MAPT: variants seen among roughly 807,000 people sequenced by gnomAD.
MAPT encodes the protein microtubule-associated protein tau.
In MAPT, 34 loss-of-function variants were observed where a neutral mutation model predicts 67.9. The observed-to-expected ratio is 0.50, with a 90% CI of 0.38 to 0.67. The LOEUF (loss-of-function observed/expected upper bound fraction) is 0.67, where lower values mean the gene tolerates loss of function less well. Ranked by LOEUF, MAPT falls within the 30% of genes least tolerant of loss-of-function variation. The pLI, the probability that MAPT is intolerant of heterozygous loss-of-function variation, is 0.00. For synonymous variants in MAPT, 456 were observed against 464.5 expected (o/e 0.98, Z 0.23); for missense variants, 881 against 1,115.2 (o/e 0.79, Z 2.99).
At chr17:46,005,942 G>GGA (rs2075379250) in intron 9 of MAPT, among the ~76,000 whole-genome samples, 1 of 152,216 alleles carries the variant, frequency 6.6e-6, no homozygotes, top group Admixed American at 6.5e-5. Flanking sequence ...GGCTGCTTCT[G>GGA]ACCTGAGAAA....
chr17:45,982,034 G>GA (rs1042045383), intron 4 of MAPT, among the ~76,000 whole-genome samples: 4 of 137,522 alleles, frequency 2.9e-5, no homozygotes, highest in Non-Finnish European at 4.8e-5. Flanking sequence ...AAAAAAAAAA[G>GA]AAAGAAAGAA....
intron 2 of MAPT, 47 bp downstream of exon 2, chr17:45,962,517 G>C: frequency 1.2e-6 from 2 of 1,608,874 alleles, no homozygotes; most frequent in Non-Finnish European, 1.7e-6. Flanking sequence ...TGCAAGCCAA[G>C]GGGTGGCGGG....
At chr17:45,946,030 A>G (rs542120990) in intron 1 of MAPT, among the ~76,000 whole-genome samples, 1 of 152,034 alleles carries the variant, frequency 6.6e-6, no homozygotes, top group African/African-American at 2.4e-5. Context: ...AGGACCATAA[A>G]TCACTTTTAT....
rs1418320691 is a variant in MAPT, at chr17:45,903,966, T to TTTA, written c.-18+9281_-18+9282insTAT. Among the ~76,000 whole-genome samples the TTTA allele has an allele frequency of 8.1e-3, 95 of 11,728 alleles. 6 individuals are homozygous for TTTA. Among genetic ancestry groups the TTTA allele is most frequent in the African/African-American group, 0.022 (94 of 4,180 alleles). The allele number at this position is 11,728 out of a possible 152,430, so 7.7% of individuals were successfully genotyped here. ...TATAATATATATTATATATTATATA[T>TTTA]TATATATTATATATTATATATTTAT... On this transcript the variant is annotated intron_variant, in intron 1 of 12. Coordinates refer to ENST00000262410, the MANE Select transcript of MAPT (RefSeq NM_001377265.1).
Position 46,010,394 on chromosome 17 carries a change from G to A in MAPT, c.2083G>A (p.Gly695Ser). The A allele has an allele frequency of 2.5e-6, 4 of 1,572,576 alleles. No homozygotes were observed. The highest frequency in any genetic ancestry group is 3.5e-6 in the Non-Finnish European group (4 of 1,157,516). Residue 695 changes from glycine to serine, a missense_variant, in exon 10 of 13, where the codon GGC (glycine) becomes AGC (serine). Transcript: ENST00000262410. This position sits in a 1 kb window ranked among gnomAD's most constrained non-coding sequence, Gnocchi z 4.7. Reference sequence around the variant, plus strand: ...GGATAATATCAAACACGTCCCGGGAGGCGGCAGTGTGAGTACCTTCACACG... The same window carrying A: ...GGATAATATCAAACACGTCCCGGGAAGCGGCAGTGTGAGTACCTTCACACG... ...SKDNIKHVPG[G>S]GSVQIVYKPV...
rs369174863 is a variant in MAPT at position 46,010,264 on chromosome 17, G to A, written c.1999-46G>A. ...GAGGCGTCCTTGCGAGCAAGCAGGC[G>A]GGTCCAGGGTGGCGTGTCACTCATC... On this transcript the variant is annotated intron_variant, in intron 9 of 12. Transcript: ENST00000262410. The surrounding 1 kb of genome is among the most constrained non-coding windows in gnomAD (Gnocchi z 4.7). The A allele has an allele frequency of 1.3e-4, 171 of 1,319,368 alleles. No homozygotes were observed. Among genetic ancestry groups the A allele is most frequent in the Non-Finnish European group, 1.7e-4 (163 of 936,114 alleles). The allele number at this position is 1,319,368 out of a possible 1,614,324, so 81.7% of individuals were successfully genotyped here. A position where few individuals can be genotyped will look rare whatever the true frequency, so the allele number is the denominator to read the frequency against.
chr17:45,987,477 C>T (rs2073670144), intron 6 of MAPT, among the ~76,000 whole-genome samples: 1 of 146,086 alleles, frequency 6.8e-6, no homozygotes, highest in East Asian at 1.9e-4. Flanking sequence ...AAACTGCACC[C>T]AGATCTTCGC....
At chr17:45,962,234 A>T (rs1490624349) in intron 1 of MAPT, 87 bp from the exon 2 acceptor site, 6 of 1,123,752 alleles carry the variant, frequency 5.3e-6, no homozygotes, top group Admixed American at 2.0e-5. Flanking sequence ...CCTGCCATGA[A>T]CTGGGAGGAG....
intron 1 of MAPT, among the ~76,000 whole-genome samples, chr17:45,919,065 A>T (rs1214633040): frequency 1.1e-4 from 11 of 100,524 alleles, no homozygotes; most frequent in Admixed American, 7.3e-4. Context: ...CTGTCTCAAT[A>T]AAAAAAAAAA....
chr17:45,948,636 G>A (rs2068742192), intron 1 of MAPT, among the ~76,000 whole-genome samples: 1 of 152,182 alleles, frequency 6.6e-6, no homozygotes, highest in African/African-American at 2.4e-5. Flanking sequence ...GGGTTTTGAA[G>A]CCTGGCTCCA....
chr17:45,946,466 G>T lies in MAPT; in HGVS notation c.-17-15855G>T, dbSNP rs953537563. 1.2e-4 allele frequency among the ~76,000 whole-genome samples: 18 copies of T among 151,454 alleles called. No homozygotes were observed. In the Admixed American group the frequency reaches 1.2e-3, roughly 10 times the overall value. On this transcript the variant is annotated intron_variant, in intron 1 of 12. Coordinates refer to ENST00000262410, the MANE Select transcript of MAPT (RefSeq NM_001377265.1). ...AAAGTTCAAAAATTAGCCAGGCGTG[G>T]TGGGTGCCTGTAGTCCCAGCTACTT...
rs1335107293 is a variant in MAPT at position 46,024,512 on chromosome 17, G to A, written c.*341G>A. Reference sequence around the variant, plus strand: ...CCTCCATGTAGAAGAGGGAGAAGGAGAGGCTCTGAAAGCTGCTTCTGGGGG... The same window carrying A: ...CCTCCATGTAGAAGAGGGAGAAGGAAAGGCTCTGAAAGCTGCTTCTGGGGG... On this transcript the variant is annotated 3_prime_UTR_variant, in exon 13 of 13. Transcript: ENST00000262410. 5.0e-6 allele frequency: 2 copies of A among 403,518 alleles called. No individual in the cohort carries two copies. The highest frequency in any genetic ancestry group is 9.3e-6 in the Non-Finnish European group (2 of 214,838). 25.0% of individuals were successfully genotyped at this position (403,518 alleles called of 1,614,324 possible).
chr17:46,020,070 TA>T (rs1478222834), intron 12 of MAPT, among the ~76,000 whole-genome samples: 2 of 148,316 alleles, frequency 1.3e-5, no homozygotes, highest in East Asian at 2.0e-4. Flanking sequence ...TGCAGGCAAC[TA>T]AAAAAGGAAG....
Position 45,991,521 on chromosome 17 carries a change from G to T in MAPT, c.1667G>T (p.Gly556Val). The T allele has an allele frequency of 6.2e-7, 1 of 1,614,222 alleles. No individual in the cohort carries two copies. The highest frequency in any genetic ancestry group is 1.1e-5 in the South Asian group (1 of 91,082). Residue 556 changes from glycine (G) to valine (V), a missense_variant, in exon 8 of 13, where the codon GGC (glycine) becomes GTC (valine). Transcript: ENST00000262410. ...GGAGCAGCCCCTCCAGGCCAGAAGG[G>T]CCAGGCCAACGCCACCAGGATTCCA... is the stretch of plus-strand genomic sequence containing the variant. ...PRGAAPPGQK[G>V]QANATRIPAK...
chr17:45,975,853 C>G (rs2072275431), intron 3 of MAPT: 1 of 152,186 alleles, frequency 6.6e-6, no homozygotes, highest in Non-Finnish European at 1.5e-5. Context: ...TGAGTTGGTC[C>G]TGGTGTGAGC....
chr17:45,910,392 T>G (rs1028076389), intron 1 of MAPT, among the ~76,000 whole-genome samples: 3 of 152,040 alleles, frequency 2.0e-5, no homozygotes, highest in African/African-American at 7.2e-5. Flanking sequence ...CGTGGCTAAT[T>G]TGAGGCCGGT....
At chr17:45,983,977 C>A (rs910479562) in intron 5 of MAPT, 47 bp downstream of exon 5, 1 of 1,452,472 alleles carries the variant, frequency 6.9e-7, no homozygotes, top group Non-Finnish European at 9.3e-7. Context: ...ACCTCCCAGG[C>A]CTCCCAGGCT....
chr17:45,989,430 C>T (rs1258675077), intron 6 of MAPT, among the ~76,000 whole-genome samples: 6 of 152,096 alleles, frequency 3.9e-5, no homozygotes, highest in Admixed American at 6.6e-5. Flanking sequence ...ACGGGTGGAT[C>T]ACGAGGTCAG....
intron 9 of MAPT, among the ~76,000 whole-genome samples, chr17:46,009,205 G>GA (rs954414730): frequency 2.6e-5 from 4 of 151,704 alleles, no homozygotes; most frequent in East Asian, 1.9e-4. Context: ...ATCTCACAAA[G>GA]AAAAAAAACA....
Sources: gnomAD v4.1 joint callset for allele counts (sites outside exome capture counted in the v4.1 genomes callset) on GRCh38, gnomAD v4.1.1 for gene constraint, Gnocchi (gnomAD v3.1) non-coding constraint, MANE v1.5 for transcripts, NCBI Gene and HGNC (gene_info 2026-07-23, HGNC 2026-07-21) for gene names.